Variants in RASGEF1A observed in about 807,000 individuals in gnomAD.
RASGEF1A encodes the protein RasGEF domain family member 1A, also known as ras-GEF domain-containing family member 1A.
In RASGEF1A, 18 loss-of-function variants were observed where a neutral mutation model predicts 56.4. That is an observed-to-expected ratio of 0.32 (90% CI 0.22 to 0.47). The LOEUF is 0.47. RASGEF1A is among the 20% of genes least tolerant of loss of function. The pLI is 1.00. For missense variants in RASGEF1A, 422 were observed against 627.1 expected (o/e 0.67, Z 3.49); for synonymous variants, 245 against 242.6 (o/e 1.01, Z -0.09).
At chr10:43,229,975 T>G (rs1455286421) in intron 1 of RASGEF1A, among the ~76,000 whole-genome samples, 2 of 151,654 alleles carry the variant, frequency 1.3e-5, no homozygotes, top group African/African-American at 2.4e-5. Flanking sequence ...GGCGCGCGCC[T>G]GGCGCTAGGT....
At chr10:43,231,258 G>A (rs925527400) in intron 1 of RASGEF1A, among the ~76,000 whole-genome samples, 2 of 152,260 alleles carry the variant, frequency 1.3e-5, no homozygotes, top group East Asian at 1.9e-4. Context: ...GGGCCACCCT[G>A]TCCCTTCAGG....
intron 1 of RASGEF1A, among the ~76,000 whole-genome samples, chr10:43,216,309 G>T (rs1228925365): frequency 6.6e-6 from 1 of 152,180 alleles, no homozygotes; most frequent in Non-Finnish European, 1.5e-5. Context: ...GAGGGTCTGG[G>T]CTCCTCCCAC....
chr10:43,239,393 G>T (rs1840475785), intron 1 of RASGEF1A, among the ~76,000 whole-genome samples: 1 of 152,148 alleles, frequency 6.6e-6, no homozygotes, highest in African/African-American at 2.4e-5. Context: ...GAAAATGGTG[G>T]AGTAAGGACC....
chr10:43,231,118 G>A (rs1391176562), intron 1 of RASGEF1A, among the ~76,000 whole-genome samples: 1 of 152,236 alleles, frequency 6.6e-6, no homozygotes, highest in African/African-American at 2.4e-5. Context: ...ATGGCACAGT[G>A]GCCCTCCAGC....
Position 43,198,993 on chromosome 10 carries a change from A to G in RASGEF1A, c.972T>C (p.Pro324=). 6.4e-7 allele frequency: 1 copy of G among 1,563,850 alleles called. No individual in the cohort carries two copies. Among genetic ancestry groups the G allele is most frequent in the Non-Finnish European group, 8.7e-7 (1 of 1,150,060 alleles). The change falls in exon 9 of 13, where the codon CCT becomes CCC. Residue 324 remains proline (P), a synonymous_variant. Transcript: ENST00000395810. ...ACCAAGTTTTCTTCAGCCTTGCCAC[A>G]GGACTGAGGTTCATGCCAGCTGCAG... ...MAIISGMNLS[P]VARLKKTWSK...
chr10:43,203,216 C>T, intron 3 of RASGEF1A, 82 bp downstream of exon 3: 4 of 1,418,628 alleles, frequency 2.8e-6, no homozygotes, highest in Admixed American at 2.0e-5. Flanking sequence ...CCGTGAACCC[C>T]GCCCCATGCC....
intron 3 of RASGEF1A, 146 bp from the exon 4 acceptor site, chr10:43,202,091 G>T: frequency 1.3e-6 from 1 of 793,946 alleles, no homozygotes; most frequent in Non-Finnish European, 1.9e-6. Context: ...CTGCGGTTTG[G>T]CCAAACCTGA....
chr10:43,242,973 CGTCT>C (rs1564541017), intron 1 of RASGEF1A, among the ~76,000 whole-genome samples: 1 of 152,032 alleles, frequency 6.6e-6, no homozygotes, highest in African/African-American at 2.4e-5. Flanking sequence ...AAGTGAGCAG[CGTCT>C]CTGCCTGGCC....
chr10:43,264,848 GC>G, intron 1 of RASGEF1A, among the ~76,000 whole-genome samples: 1 of 152,052 alleles, frequency 6.6e-6, no homozygotes, highest in Non-Finnish European at 1.5e-5. Context: ...CAAACCCCCT[GC>G]CCCCATCCCT....
intron 1 of RASGEF1A, among the ~76,000 whole-genome samples, chr10:43,216,095 C>T (rs1346398809): frequency 1.3e-5 from 2 of 152,212 alleles, no homozygotes; most frequent in Non-Finnish European, 2.9e-5. Context: ...TGTGTGTCGG[C>T]CTTGCTAAAC....
chr10:43,200,353 G>T, intron 5 of RASGEF1A, 97 bp from the exon 6 acceptor site: 2 of 1,083,812 alleles, frequency 1.8e-6, no homozygotes, highest in Non-Finnish European at 1.4e-6. Context: ...GAGCTGCCCA[G>T]GGCACAGGAC....
At chr10:43,212,577 T>C (rs563752077) in intron 1 of RASGEF1A, among the ~76,000 whole-genome samples, 1 of 152,194 alleles carries the variant, frequency 6.6e-6, no homozygotes, top group East Asian at 1.9e-4. Context: ...CTGAACCTCA[T>C]GGTGGCTGTG....
intron 9 of RASGEF1A, 45 bp downstream of exon 9, chr10:43,198,888 C>T (rs369068999): frequency 3.5e-5 from 55 of 1,573,206 alleles, no homozygotes; most frequent in East Asian, 2.5e-4. Flanking sequence ...CATTGCGGGA[C>T]GAAATGGGTG....
chr10:43,203,599 C>T, intron 2 of RASGEF1A, 179 bp from the exon 3 acceptor site: 5 of 1,238,032 alleles, frequency 4.0e-6, no homozygotes, highest in Admixed American at 3.5e-5. Flanking sequence ...ACTGCTACCC[C>T]GGCCCTGCCT....
chr10:43,248,778 G>A (rs1840594875), intron 1 of RASGEF1A, among the ~76,000 whole-genome samples: 1 of 152,222 alleles, frequency 6.6e-6, no homozygotes, highest in Admixed American at 6.5e-5. Context: ...TCCAATAACT[G>A]TATCTTGAGG....
intron 1 of RASGEF1A, among the ~76,000 whole-genome samples, chr10:43,214,060 A>T (rs1328524995): frequency 1.3e-5 from 2 of 152,206 alleles, no homozygotes; most frequent in Non-Finnish European, 2.9e-5. Context: ...CACAGTGTGT[A>T]CACCTTTCCT....
At chr10:43,251,353 T>C (rs935421429) in intron 1 of RASGEF1A, among the ~76,000 whole-genome samples, 8 of 152,194 alleles carry the variant, frequency 5.3e-5, no homozygotes, top group African/African-American at 1.9e-4. Flanking sequence ...ACCCCGCTGC[T>C]GCCTGAAGCG....
At chr10:43,262,358 A>G (rs1048748035) in intron 1 of RASGEF1A, among the ~76,000 whole-genome samples, 2 of 152,172 alleles carry the variant, frequency 1.3e-5, no homozygotes, top group African/African-American at 4.8e-5. Context: ...AGTGGTGGTG[A>G]CAACAAACAG....
Position 43,242,323 on chromosome 10 carries a change from T to C in RASGEF1A, c.-7+24522A>G, listed in dbSNP as rs140502578. Among the ~76,000 whole-genome samples the C allele has an allele frequency of 1.3e-3, 191 of 152,122 alleles. 1 individual carries two copies. The highest frequency in any genetic ancestry group is 4.4e-3 in the African/African-American group (184 of 41,474). ...GGGCTAATCAACAAGATATAACAATTACAAACAAATATATACCTAACAACA... is the reference window on the plus strand; with the variant it reads ...GGGCTAATCAACAAGATATAACAATCACAAACAAATATATACCTAACAACA... On this transcript the variant is annotated intron_variant, in intron 1 of 12. Transcript: ENST00000395810.
Sources: gnomAD v4.1 joint callset for allele counts (sites outside exome capture counted in the v4.1 genomes callset) on GRCh38, gnomAD v4.1.1 for gene constraint, MANE v1.5 for transcripts, NCBI Gene and HGNC (gene_info 2026-07-23, HGNC 2026-07-21) for gene names.